Variants in EPB41L4B observed in about 807,000 individuals in gnomAD.
The protein encoded by EPB41L4B is erythrocyte membrane protein band 4.1 like 4B, also known as band 4.1-like protein 4B.
In EPB41L4B, 30 loss-of-function variants were observed where a neutral mutation model predicts 112.5. The ratio of observed to expected loss-of-function variants is 0.27; its 90% CI spans 0.20 to 0.36. The LOEUF (loss-of-function observed/expected upper bound fraction) is 0.36, where lower values mean the gene tolerates loss of function less well. Among genes scored for constraint, EPB41L4B ranks in the 10% least tolerant of loss-of-function variants. The pLI is 1.00. For missense variants in EPB41L4B, 1,024 were observed against 1,133.3 expected (o/e 0.90, Z 1.38); for synonymous variants, 408 against 439.7 (o/e 0.93, Z 0.90).
intron 2 of EPB41L4B, among the ~76,000 whole-genome samples, chr9:109,275,571 C>A (rs1016602970): frequency 4.6e-5 from 7 of 152,156 alleles, no homozygotes; most frequent in Non-Finnish European, 8.8e-5. Flanking sequence ...GCATGCTCAC[C>A]CCTGGGGGCA....
chr9:109,221,020 T>C (rs531683584), intron 15 of EPB41L4B, among the ~76,000 whole-genome samples: 2 of 152,282 alleles, frequency 1.3e-5, no homozygotes, highest in African/African-American at 4.8e-5. Flanking sequence ...CTCCATTCCC[T>C]CAGCTGTAAC....
At chr9:109,244,468 C>CTTTTTT (rs1564289998) in intron 14 of EPB41L4B, among the ~76,000 whole-genome samples, 1 of 94,342 alleles carries the variant, frequency 1.1e-5, no homozygotes, top group Non-Finnish European at 2.0e-5. Flanking sequence ...TTTTTTTTTA[C>CTTTTTT]AGAGTCTCAC....
chr9:109,307,726 G>A (rs1837264316), intron 1 of EPB41L4B, among the ~76,000 whole-genome samples: 2 of 152,098 alleles, frequency 1.3e-5, no homozygotes, highest in Non-Finnish European at 2.9e-5. Context: ...ACAGTCTACC[G>A]GCCTTCCCTG....
intron 6 of EPB41L4B, among the ~76,000 whole-genome samples, chr9:109,259,757 A>T (rs1835131152): frequency 6.6e-6 from 1 of 152,164 alleles, no homozygotes; most frequent in African/African-American, 2.4e-5. Flanking sequence ...TTAATTTTTA[A>T]ATCCACCACA....
At chr9:109,307,501 C>A (rs1469875772) in intron 1 of EPB41L4B, among the ~76,000 whole-genome samples, 1 of 152,178 alleles carries the variant, frequency 6.6e-6, no homozygotes. Context: ...CCAGCTTGGG[C>A]CCCTCCCTGG....
At chr9:109,277,315 C>CAAAAA (rs35489544) in intron 2 of EPB41L4B, among the ~76,000 whole-genome samples, 4 of 112,294 alleles carry the variant, frequency 3.6e-5, no homozygotes, top group African/African-American at 1.0e-4. Flanking sequence ...AGTAGACATG[C>CAAAAA]AAAAAAAAAA....
At chr9:109,208,171 C>T in intron 17 of EPB41L4B, 122 bp from the exon 18 acceptor site, 3 of 1,138,560 alleles carry the variant, frequency 2.6e-6, no homozygotes, top group Non-Finnish European at 3.8e-6. Context: ...GGGGTGTCAC[C>T]AACTCCTTAT....
At position 109,320,201 on chromosome 9, in the gene EPB41L4B, C is replaced by T; in HGVS notation, c.246G>A (p.Lys82=). Residue 82 remains lysine (K), a synonymous_variant, in exon 1 of 26, where the codon AAG becomes AAA. Coordinates refer to ENST00000374566, the MANE Select transcript of EPB41L4B (RefSeq NM_019114.5). ...GGAAGACGCGGCAGTAGAGGGTGGC[C>T]TTGGCGGCGCCGGCGGCGGAGATGT... ...AVHISAAGAA[K]ATLYCRVFLL... 2 of 1,443,864 alleles carry T rather than the reference C, an allele frequency of 1.4e-6. No homozygotes were observed. The highest frequency in any genetic ancestry group is 3.0e-5 in the East Asian group (1 of 33,448). The allele number at this position is 1,443,864 out of a possible 1,614,324, so 89.4% of individuals were successfully genotyped here.
At position 109,275,986 on chromosome 9, in the gene EPB41L4B, G is replaced by T. The variant is rs370830146; in HGVS notation, c.411+3831C>A. Among the ~76,000 whole-genome samples the T allele has an allele frequency of 3.2e-4, 49 of 151,170 alleles. 3 individuals carry two copies. The South Asian group carries it at 9.4e-3, about 29-fold the overall frequency. On this transcript the variant is annotated intron_variant, in intron 2 of 25. Transcript: ENST00000374566. ...ATGTGCCTTGTCCCCAAGAATCACC[G>T]AGTTAAGAGGAGGAGGTCCTAAGTC... is the stretch of plus-strand genomic sequence containing the variant.
Position 109,192,196 on chromosome 9 carries a change from C to T in EPB41L4B, c.2301+82G>A. 8 of 1,114,376 alleles carry T rather than the reference C, an allele frequency of 7.2e-6. No individual in the cohort carries two copies. In the South Asian group the frequency reaches 7.5e-5, roughly 10 times the overall value. 69.0% of individuals were successfully genotyped at this position (1,114,376 alleles called of 1,614,324 possible). ...AGGAAGAGGCTCCTCAACAGCAATG[C>T]CCACCTCTGTCCATCCGTCCCACTG... On this transcript the variant is annotated intron_variant, in intron 22 of 25. Coordinates refer to ENST00000374566, the MANE Select transcript of EPB41L4B (RefSeq NM_019114.5).
chr9:109,318,424 TCACCATGCA>T (rs949218049), intron 1 of EPB41L4B, among the ~76,000 whole-genome samples: 1 of 152,154 alleles, frequency 6.6e-6, no homozygotes, highest in African/African-American at 2.4e-5. Flanking sequence ...TTGGGTCTAT[TCACCATGCA>T]CACCACTTAA....
At chr9:109,267,919 A>C (rs1835465351) in intron 3 of EPB41L4B, among the ~76,000 whole-genome samples, 1 of 152,234 alleles carries the variant, frequency 6.6e-6, no homozygotes, top group Non-Finnish European at 1.5e-5. Context: ...TCTGTTCTCT[A>C]AAAATACTTT....
At chr9:109,279,184 G>C (rs995193231) in intron 2 of EPB41L4B, among the ~76,000 whole-genome samples, 1 of 149,248 alleles carries the variant, frequency 6.7e-6, no homozygotes, top group Non-Finnish European at 1.5e-5. Flanking sequence ...CATTAGAAGA[G>C]TTTCTTTCTT....
intron 15 of EPB41L4B, among the ~76,000 whole-genome samples, chr9:109,236,901 T>C (rs193071672): frequency 6.6e-6 from 1 of 152,240 alleles, no homozygotes; most frequent in East Asian, 1.9e-4. Context: ...TAGACCAATG[T>C]AGGGTATTTT....
At chr9:109,222,834 C>T (rs536110105) in intron 15 of EPB41L4B, among the ~76,000 whole-genome samples, 1 of 152,280 alleles carries the variant, frequency 6.6e-6, no homozygotes, top group Admixed American at 6.5e-5. Flanking sequence ...CTGGTGCCCC[C>T]TTAGACACTG....
intron 14 of EPB41L4B, 72 bp downstream of exon 14, chr9:109,247,684 A>C: frequency 8.8e-7 from 1 of 1,140,746 alleles, no homozygotes; most frequent in Non-Finnish European, 1.2e-6. Flanking sequence ...GAAACTTTAC[A>C]AAAACCTTTT....
intron 1 of EPB41L4B, among the ~76,000 whole-genome samples, chr9:109,295,188 G>A (rs1404449800): frequency 6.6e-6 from 1 of 152,074 alleles, no homozygotes; most frequent in Non-Finnish European, 1.5e-5. Context: ...TGCACTCCTG[G>A]ACTTTGTGCC....
chr9:109,194,638 C>T (rs1832581103), intron 20 of EPB41L4B, among the ~76,000 whole-genome samples: 1 of 151,992 alleles, frequency 6.6e-6, no homozygotes, highest in African/African-American at 2.4e-5. Flanking sequence ...AAAATATATA[C>T]AATATAATAT....
At chr9:109,310,373 AC>A (rs1312003154) in intron 1 of EPB41L4B, among the ~76,000 whole-genome samples, 1 of 152,198 alleles carries the variant, frequency 6.6e-6, no homozygotes, top group Non-Finnish European at 1.5e-5. Flanking sequence ...TGTGACTGAG[AC>A]AGAGCATGTG....
Sources: gnomAD v4.1 joint callset for allele counts (sites outside exome capture counted in the v4.1 genomes callset) on GRCh38, gnomAD v4.1.1 for gene constraint, MANE v1.5 for transcripts, NCBI Gene and HGNC (gene_info 2026-07-23, HGNC 2026-07-21) for gene names.